Variants in DLG2 observed in about 807,000 individuals in gnomAD.
DLG2 encodes disks large homolog 2.
A neutral mutation model predicts 132.5 loss-of-function variants in DLG2; 45 were observed. That is an observed-to-expected ratio of 0.34 (90% CI 0.27 to 0.44). The LOEUF is 0.44. Among genes scored for constraint, DLG2 ranks in the 20% least tolerant of loss-of-function variants. The pLI is 1.00. For missense variants in DLG2, 1,045 were observed against 1,196.9 expected, an observed-to-expected ratio of 0.87 and a Z score of 1.87; for synonymous variants, 424 against 419.6, an observed-to-expected ratio of 1.01 and a Z score of -0.13.
intron 6 of DLG2, among the ~76,000 whole-genome samples, chr11:85,064,190 G>C (rs963155324): frequency 6.6e-6 from 1 of 151,766 alleles, no homozygotes; most frequent in Non-Finnish European, 1.5e-5. Context: ...TGTCCAGCCT[G>C]AATGTTAAAA....
chr11:84,676,350 A>G (rs533224232), intron 6 of DLG2, among the ~76,000 whole-genome samples: 1 of 152,106 alleles, frequency 6.6e-6, no homozygotes, highest in Non-Finnish European at 1.5e-5. Context: ...TTGGCTTTTA[A>G]GAGAACCTAT....
chr11:84,507,207 T>C (rs2099243882), intron 7 of DLG2, among the ~76,000 whole-genome samples: 1 of 152,122 alleles, frequency 6.6e-6, no homozygotes, highest in Non-Finnish European at 1.5e-5. Flanking sequence ...ATAAATCAAA[T>C]ATAATTCCTA....
intron 6 of DLG2, among the ~76,000 whole-genome samples, chr11:85,071,421 G>A (rs1018550917): frequency 4.6e-5 from 7 of 151,792 alleles, no homozygotes; most frequent in Non-Finnish European, 1.0e-4. Context: ...CTATTATAAT[G>A]ACCAAATGTG....
At chr11:83,612,192 T>G (rs2060215334) in intron 19 of DLG2, among the ~76,000 whole-genome samples, 1 of 152,228 alleles carries the variant, frequency 6.6e-6, no homozygotes, top group South Asian at 2.1e-4. Context: ...GGTGCTTTAC[T>G]TGCATATACA....
At chr11:84,349,374 T>C (rs148693234) in intron 7 of DLG2, among the ~76,000 whole-genome samples, 5 of 152,248 alleles carry the variant, frequency 3.3e-5, no homozygotes, top group East Asian at 1.9e-4. Flanking sequence ...CCAGATGAAG[T>C]TCTGCAACTT....
intron 18 of DLG2, among the ~76,000 whole-genome samples, chr11:83,758,395 A>G (rs1593792622): frequency 6.6e-6 from 1 of 152,264 alleles, no homozygotes; most frequent in East Asian, 1.9e-4. Context: ...CCTTTAGCTT[A>G]CCAGCCATGT....
chr11:84,670,532 C>A (rs1251290205), intron 6 of DLG2, among the ~76,000 whole-genome samples: 1 of 152,108 alleles, frequency 6.6e-6, no homozygotes, highest in Non-Finnish European at 1.5e-5. Context: ...GTCGATTTCA[C>A]AACAGGCTCA....
intron 13 of DLG2, among the ~76,000 whole-genome samples, chr11:83,964,377 G>A (rs1565831576): frequency 6.6e-6 from 1 of 151,978 alleles, no homozygotes; most frequent in Non-Finnish European, 1.5e-5. Flanking sequence ...TCATCATTAA[G>A]AAAAGCAATA....
chr11:84,165,141 T>A (rs953857753), intron 8 of DLG2, among the ~76,000 whole-genome samples: 1 of 152,216 alleles, frequency 6.6e-6, no homozygotes, highest in East Asian at 1.9e-4. Flanking sequence ...TCCCTCAGTA[T>A]GGCTCCATGA....
chr11:83,762,064 T>C (rs2093933471), intron 18 of DLG2, among the ~76,000 whole-genome samples: 3 of 152,148 alleles, frequency 2.0e-5, no homozygotes, highest in South Asian at 2.1e-4. Flanking sequence ...TCAAAGCAGA[T>C]GATATGTAAG....
At chr11:85,096,698 G>A (rs578216546) in intron 6 of DLG2, among the ~76,000 whole-genome samples, 20 of 148,068 alleles carry the variant, frequency 1.4e-4, no homozygotes, top group East Asian at 5.9e-4. Context: ...ACATTTTGGC[G>A]ACCACGAAGG....
At chr11:83,718,214 G>C (rs1040212356) in intron 18 of DLG2, among the ~76,000 whole-genome samples, 1 of 152,122 alleles carries the variant, frequency 6.6e-6, no homozygotes, top group African/African-American at 2.4e-5. Flanking sequence ...CTCAGAGCAG[G>C]ACTTAAAACT....
chr11:84,719,360 T>G (rs2061551502), intron 6 of DLG2, among the ~76,000 whole-genome samples: 1 of 152,212 alleles, frequency 6.6e-6, no homozygotes, highest in South Asian at 2.1e-4. Flanking sequence ...TCTTTCTCTC[T>G]CTCTCTCCTT....
At chr11:85,121,295 AT>A (rs2074282123) in intron 5 of DLG2, among the ~76,000 whole-genome samples, 1 of 151,686 alleles carries the variant, frequency 6.6e-6, no homozygotes, top group South Asian at 2.1e-4. Context: ...TCATTTTTTA[AT>A]TTTCTATTGC....
chr11:83,776,347 G>A (rs961097806), intron 18 of DLG2, among the ~76,000 whole-genome samples: 15 of 151,986 alleles, frequency 9.9e-5, no homozygotes, highest in Admixed American at 8.5e-4. Flanking sequence ...TACAGATAGG[G>A]TCTTGCTCTG....
chr11:84,685,642 G>T (rs1167697247), intron 6 of DLG2, among the ~76,000 whole-genome samples: 3 of 152,114 alleles, frequency 2.0e-5, no homozygotes, highest in African/African-American at 7.2e-5. Context: ...GAGAACATCA[G>T]AAACATAGCA....
intron 6 of DLG2, among the ~76,000 whole-genome samples, chr11:84,741,449 T>C (rs778156411): frequency 3.9e-5 from 6 of 151,982 alleles, no homozygotes; most frequent in African/African-American, 9.7e-5. Context: ...CACGTACCCT[T>C]GATCTAAGAA....
intron 8 of DLG2, among the ~76,000 whole-genome samples, chr11:84,193,862 T>C (rs2154293090): frequency 6.6e-6 from 1 of 152,334 alleles, no homozygotes; most frequent in African/African-American, 2.4e-5. Flanking sequence ...CCAATTACTC[T>C]ACCTTTGGGC....
intron 19 of DLG2, among the ~76,000 whole-genome samples, chr11:83,620,178 G>A (rs928705126): frequency 1.3e-5 from 2 of 151,892 alleles, no homozygotes; most frequent in African/African-American, 4.8e-5. Flanking sequence ...AAGTACATGA[G>A]GTAAGCAATC....
Sources: gnomAD v4.1 joint callset for allele counts (sites outside exome capture counted in the v4.1 genomes callset) on GRCh38, gnomAD v4.1.1 for gene constraint, MANE v1.5 for transcripts, NCBI Gene and HGNC (gene_info 2026-07-23, HGNC 2026-07-21) for gene names.